Variants in MTUS2 observed in about 807,000 individuals in gnomAD.
The protein encoded by MTUS2 is microtubule-associated tumor suppressor candidate 2.
Under a neutral mutation model 114.1 loss-of-function variants are expected in MTUS2, and 40 were observed. That is an observed-to-expected ratio of 0.35 (90% CI 0.27 to 0.46). The LOEUF (loss-of-function observed/expected upper bound fraction) is 0.46. MTUS2 is among the 20% of genes least tolerant of loss of function. MTUS2 has a pLI of 1.00. For missense variants in MTUS2, 1,679 were observed against 1,705.4 expected, an observed-to-expected ratio of 0.98 and a Z score of 0.27; for synonymous variants, 688 against 672.0, an observed-to-expected ratio of 1.02 and a Z score of -0.37.
intron 5 of MTUS2, among the ~76,000 whole-genome samples, chr13:29,141,947 C>T (rs559846451): frequency 4.1e-4 from 61 of 150,026 alleles, no homozygotes; most frequent in African/African-American, 1.4e-3. Context: ...TCAAGCTCCA[C>T]CTCCCAGGTT....
intron 8 of MTUS2, chr13:29,428,803 C>G (rs1428402952): frequency 3.1e-6 from 5 of 1,613,228 alleles, no homozygotes; most frequent in Non-Finnish European, 4.2e-6. Context: ...CCGCTGACAC[C>G]TTGAATGAAG....
chr13:29,157,783 T>G lies in MTUS2; in HGVS notation c.2644+56813T>G, dbSNP rs374485951. ...ATCTTTATACCTAGGTTAGGATATATATATATAGATAGATAGATATAGATA... is the reference window on the plus strand; with the variant it reads ...ATCTTTATACCTAGGTTAGGATATAGATATATAGATAGATAGATATAGATA... On this transcript the variant is annotated intron_variant, in intron 5 of 15. Coordinates refer to ENST00000612955, the MANE Select transcript of MTUS2 (RefSeq NM_001033602.4). 4.9e-4 allele frequency among the ~76,000 whole-genome samples: 74 copies of G among 152,084 alleles called. 1 individual carries two copies. Among genetic ancestry groups the G allele is most frequent in the East Asian group, 4.1e-3 (21 of 5,156 alleles).
At chr13:29,251,579 C>T (rs1208276661) in intron 5 of MTUS2, among the ~76,000 whole-genome samples, 3 of 152,162 alleles carry the variant, frequency 2.0e-5, no homozygotes, top group Non-Finnish European at 4.4e-5. Context: ...CCCCATTTAT[C>T]CCTCCCCCGC....
At chr13:29,381,729 G>T (rs1013609464) in intron 8 of MTUS2, among the ~76,000 whole-genome samples, 1 of 151,662 alleles carries the variant, frequency 6.6e-6, no homozygotes, top group African/African-American at 2.4e-5. Context: ...ATACGATCAA[G>T]TGAGAAAACA....
At chr13:29,161,475 GAAAT>G (rs901877629) in intron 5 of MTUS2, among the ~76,000 whole-genome samples, 1 of 151,498 alleles carries the variant, frequency 6.6e-6, no homozygotes, top group Non-Finnish European at 1.5e-5. Context: ...GTATTTATAA[GAAAT>G]AAATTAATTA....
At chr13:29,306,305 AT>A (rs1256905775) in intron 6 of MTUS2, among the ~76,000 whole-genome samples, 1 of 152,208 alleles carries the variant, frequency 6.6e-6, no homozygotes, top group East Asian at 1.9e-4. Context: ...AGGCAAGAGA[AT>A]GAAATAAAGA....
At chr13:29,219,883 G>T (rs1895836652) in intron 5 of MTUS2, among the ~76,000 whole-genome samples, 1 of 152,168 alleles carries the variant, frequency 6.6e-6, no homozygotes, top group South Asian at 2.1e-4. Context: ...ATTATGGTTT[G>T]GCTTAAGGGA....
At chr13:29,227,100 A>G (rs563344033) in intron 5 of MTUS2, among the ~76,000 whole-genome samples, 2 of 152,188 alleles carry the variant, frequency 1.3e-5, no homozygotes, top group African/African-American at 4.8e-5. Context: ...TTTACTAAAA[A>G]TACAAAAAAT....
At chr13:29,132,471 A>G (rs571951095) in intron 5 of MTUS2, among the ~76,000 whole-genome samples, 1 of 152,332 alleles carries the variant, frequency 6.6e-6, no homozygotes, top group African/African-American at 2.4e-5. Context: ...ACCCATCCAC[A>G]GAACTGAAAC....
intron 8 of MTUS2, among the ~76,000 whole-genome samples, chr13:29,370,081 G>A (rs1871076407): frequency 6.6e-6 from 1 of 152,220 alleles, no homozygotes. Context: ...TAGGCATAGT[G>A]GCTCATGCCT....
At chr13:29,092,167 A>G (rs1889983409) in intron 4 of MTUS2, among the ~76,000 whole-genome samples, 2 of 152,232 alleles carry the variant, frequency 1.3e-5, no homozygotes, top group African/African-American at 4.8e-5. Context: ...CCTGAAAGCC[A>G]AGCTACAAGT....
At chr13:29,428,858 T>C in intron 8 of MTUS2, 1 of 1,614,134 alleles carries the variant, frequency 6.2e-7, no homozygotes, top group Non-Finnish European at 8.5e-7. Context: ...CCATTGCTGC[T>C]GCAAGCCTTA....
intron 6 of MTUS2, among the ~76,000 whole-genome samples, 166 bp downstream of exon 6, chr13:29,282,031 A>G (rs1477663325): frequency 2.6e-5 from 4 of 152,250 alleles, no homozygotes; most frequent in Non-Finnish European, 5.9e-5. Flanking sequence ...TCATATATTC[A>G]TGTTTAAATT....
chr13:29,309,106 A>G (rs1165843563), intron 6 of MTUS2, among the ~76,000 whole-genome samples: 11 of 152,210 alleles, frequency 7.2e-5, no homozygotes, highest in East Asian at 1.9e-4. Context: ...AAATCATTCT[A>G]TTATAAAGAT....
chr13:29,368,429 T>G (rs1263567864), intron 8 of MTUS2, among the ~76,000 whole-genome samples: 1 of 145,654 alleles, frequency 6.9e-6, no homozygotes, highest in Admixed American at 6.8e-5. Context: ...GATAGCATAG[T>G]AGGGTGACTG....
chr13:29,107,418 T>C (rs1331217154), intron 5 of MTUS2, among the ~76,000 whole-genome samples: 1 of 152,124 alleles, frequency 6.6e-6, no homozygotes, highest in East Asian at 1.9e-4. Flanking sequence ...TTTTTGAGAG[T>C]AACTTAGGTA....
intron 5 of MTUS2, among the ~76,000 whole-genome samples, chr13:29,166,099 T>C (rs1893304333): frequency 6.6e-6 from 1 of 152,160 alleles, no homozygotes. Flanking sequence ...AAAACAGAAC[T>C]ATGCTTCCAC....
intron 9 of MTUS2, among the ~76,000 whole-genome samples, chr13:29,442,072 G>T (rs1367420948): frequency 3.9e-5 from 6 of 152,096 alleles, no homozygotes; most frequent in South Asian, 2.1e-4. Flanking sequence ...GGGATGTGGA[G>T]GTGGAGACAG....
rs760691613 is a variant in MTUS2, at chr13:29,498,557, C to T, written c.3798+20C>T. ...AAGCTGGTGAGTTGGTCTGTTTGCT[C>T]GGGAGAGTAACCTCCATGACATTCC... On this transcript the variant is annotated intron_variant, in intron 14 of 15. Coordinates refer to ENST00000612955, the MANE Select transcript of MTUS2 (RefSeq NM_001033602.4). 34 of 1,613,386 alleles carry T rather than the reference C, an allele frequency of 2.1e-5. No homozygotes were observed. The highest frequency in any genetic ancestry group is 9.9e-5 in the South Asian group (9 of 90,942).
Sources: gnomAD v4.1 joint callset for allele counts (sites outside exome capture counted in the v4.1 genomes callset) on GRCh38, gnomAD v4.1.1 for gene constraint, MANE v1.5 for transcripts, NCBI Gene and HGNC (gene_info 2026-07-23, HGNC 2026-07-21) for gene names.